HDAC9: variants seen among roughly 807,000 people sequenced by gnomAD.
The protein encoded by HDAC9 is histone deacetylase 9.
Under a neutral mutation model 139.4 loss-of-function variants are expected in HDAC9, and 41 were observed. The ratio of observed to expected loss-of-function variants is 0.29; its 90% CI spans 0.23 to 0.38. The LOEUF (loss-of-function observed/expected upper bound fraction) is 0.38, where lower values mean the gene tolerates loss of function less well. Ranked by LOEUF, HDAC9 falls within the 10% of genes least tolerant of loss-of-function variation. The pLI is 1.00. For synonymous variants in HDAC9, 517 were observed against 476.2 expected (o/e 1.09, Z -1.12); for missense variants, 1,147 against 1,297.0 (o/e 0.88, Z 1.78).
At chr7:18,933,391 A>G (rs1781399435) in intron 22 of HDAC9, among the ~76,000 whole-genome samples, 1 of 152,046 alleles carries the variant, frequency 6.6e-6, no homozygotes, top group African/African-American at 2.4e-5. Flanking sequence ...GATCCTTAGA[A>G]GGCAACAAGA....
chr7:18,547,471 G>A (rs1327846896), intron 2 of HDAC9, among the ~76,000 whole-genome samples: 1 of 152,210 alleles, frequency 6.6e-6, no homozygotes, highest in African/African-American at 2.4e-5. Context: ...TCCTGACCTT[G>A]TGATCTGCCC....
intron 2 of HDAC9, among the ~76,000 whole-genome samples, chr7:18,258,723 A>G (rs1400387175): frequency 1.3e-5 from 2 of 152,234 alleles, no homozygotes; most frequent in African/African-American, 2.4e-5. Context: ...TTCAGTTTAC[A>G]CTTCTGAAAT....
chr7:18,775,514 G>GT (rs1790686318), intron 16 of HDAC9, among the ~76,000 whole-genome samples: 1 of 151,974 alleles, frequency 6.6e-6, no homozygotes, highest in African/African-American at 2.4e-5. Flanking sequence ...AGACCTACAA[G>GT]TAGCGAAATT....
intron 2 of HDAC9, chr7:18,509,300 G>T (rs765693251): frequency 5.1e-6 from 5 of 985,416 alleles, no homozygotes; most frequent in Non-Finnish European, 6.0e-6. Context: ...CTTGTGGAAG[G>T]GGTGGGGAAG....
chr7:18,946,049 A>T (rs1248587444), intron 23 of HDAC9, among the ~76,000 whole-genome samples: 1 of 125,778 alleles, frequency 8.0e-6, no homozygotes, highest in African/African-American at 4.0e-5. Context: ...AAAAAAAAAA[A>T]AAAAAAAAAA....
chr7:18,972,379 T>A (rs1258249262), intron 24 of HDAC9, among the ~76,000 whole-genome samples: 3 of 48,952 alleles, frequency 6.1e-5, no homozygotes, highest in African/African-American at 3.0e-4. Context: ...CTTTTTTTTT[T>A]TTTTTTTTTT....
chr7:18,296,841 C>T (rs966397713), intron 1 of HDAC9, among the ~76,000 whole-genome samples: 3 of 152,160 alleles, frequency 2.0e-5, no homozygotes, highest in Non-Finnish European at 4.4e-5. Context: ...GTCAAGATGA[C>T]AGTGGTTTAA....
chr7:18,590,479 A>T lies in HDAC9; in HGVS notation c.408A>T (p.Gly136=). ...CTCCTCTCAGAGGCAAAGATAGAGGACGAGAAAGTAAGAGGCACCAGGGTA... is the reference window on the plus strand; with the variant it reads ...CTCCTCTCAGAGGCAAAGATAGAGGTCGAGAAAGTAAGAGGCACCAGGGTA... ...QLPPLRGKDR[G]RERAVASTEV... Residue 136 remains glycine (G), a synonymous_variant, in exon 4 of 26, where the codon GGA becomes GGT. Transcript: ENST00000686413. 6.3e-7 allele frequency: 1 copy of T among 1,595,682 alleles called. No homozygotes were observed. The highest frequency in any genetic ancestry group is 8.5e-7 in the Non-Finnish European group (1 of 1,170,802).
chr7:18,307,100 TG>T (rs1798967439), intron 1 of HDAC9, among the ~76,000 whole-genome samples: 2 of 6,862 alleles, frequency 2.9e-4, no homozygotes, highest in Non-Finnish European at 6.0e-4. Flanking sequence ...GCAGTTCTTG[TG>T]TGTGTGTGTG....
chr7:18,574,048 G>A (rs1424925642), intron 2 of HDAC9, among the ~76,000 whole-genome samples: 2 of 152,262 alleles, frequency 1.3e-5, no homozygotes, highest in Admixed American at 1.3e-4. Context: ...GACAGCTGGA[G>A]GCTGAGCAAA....
intron 1 of HDAC9, among the ~76,000 whole-genome samples, chr7:18,427,890 C>G (rs1348397061): frequency 1.3e-5 from 2 of 152,034 alleles, no homozygotes; most frequent in African/African-American, 2.4e-5. Flanking sequence ...TAGCAACTCC[C>G]CATGCTCTCC....
At chr7:18,733,034 TAC>T (rs1182186928) in intron 13 of HDAC9, among the ~76,000 whole-genome samples, 2 of 144,958 alleles carry the variant, frequency 1.4e-5, no homozygotes, top group African/African-American at 5.1e-5. Flanking sequence ...TATGTATATA[TAC>T]AGATATACAT....
At chr7:18,626,640 T>C (rs751243787) in intron 6 of HDAC9, among the ~76,000 whole-genome samples, 9 of 152,222 alleles carry the variant, frequency 5.9e-5, no homozygotes, top group Non-Finnish European at 1.3e-4. Flanking sequence ...AGGTGGTAGA[T>C]ACAAGACTAA....
intron 1 of HDAC9, among the ~76,000 whole-genome samples, chr7:18,113,544 T>A (rs1783769276): frequency 6.6e-6 from 1 of 152,258 alleles, no homozygotes; most frequent in African/African-American, 2.4e-5. Flanking sequence ...ATGGATAGTT[T>A]GAACACAAGG....
chr7:18,595,577 T>G (rs927366847), intron 6 of HDAC9, among the ~76,000 whole-genome samples: 2 of 152,022 alleles, frequency 1.3e-5, no homozygotes, highest in African/African-American at 4.8e-5. Flanking sequence ...TGAATGGCAT[T>G]CAAGAATCTA....
rs564011500 is a variant in HDAC9 at position 18,376,532 on chromosome 7, T to A, written c.-42+86017T>A. ...TTTAATGTTAAATTACTGAATTAAT[T>A]ATTGTATATTTCTGTTGCTTCGGGT... On this transcript the variant is annotated intron_variant, in intron 1 of 3. Coordinates refer to the HDAC9 transcript ENST00000413509. Among the ~76,000 whole-genome samples, 8 of 152,308 alleles carry A rather than the reference T, an allele frequency of 5.3e-5. No homozygotes were observed. In the South Asian group the frequency reaches 1.5e-3, roughly 28 times the overall value.
intron 1 of HDAC9, among the ~76,000 whole-genome samples, chr7:18,107,080 A>G (rs1783266666): frequency 6.6e-6 from 1 of 152,238 alleles, no homozygotes; most frequent in Non-Finnish European, 1.5e-5. Flanking sequence ...TGGGTATGCA[A>G]CTATGATATT....
chr7:18,580,072 C>G (rs1038919378), intron 2 of HDAC9, among the ~76,000 whole-genome samples: 4 of 152,128 alleles, frequency 2.6e-5, no homozygotes, highest in African/African-American at 9.7e-5. Flanking sequence ...AAGAAATACT[C>G]TGTGGTAACT....
chr7:18,354,842 CA>C (rs1281935279), intron 1 of HDAC9, among the ~76,000 whole-genome samples: 1 of 152,116 alleles, frequency 6.6e-6, no homozygotes, highest in Non-Finnish European at 1.5e-5. Flanking sequence ...TTTAGACAGT[CA>C]ACACATCGGG....
Sources: allele counts gnomAD v4.1 joint callset (sites outside exome capture counted in the v4.1 genomes callset), GRCh38; gene constraint gnomAD v4.1.1; transcripts MANE v1.5; gene names NCBI Gene and HGNC (gene_info 2026-07-23, HGNC 2026-07-21).